RBMS1: variants seen among roughly 807,000 people sequenced by gnomAD.
RBMS1 encodes RNA-binding motif, single-stranded-interacting protein 1.
A neutral mutation model predicts 62.3 loss-of-function variants in RBMS1; 17 were observed. That is an observed-to-expected ratio of 0.27 (90% CI 0.19 to 0.41). The LOEUF is 0.41. RBMS1 is among the 10% of genes least tolerant of loss of function. RBMS1 has a pLI of 1.00. For missense variants in RBMS1, 334 were observed against 504.5 expected (o/e 0.66, Z 3.24); for synonymous variants, 172 against 170.0 (o/e 1.01, Z -0.09).
intron 1 of RBMS1, among the ~76,000 whole-genome samples, chr2:160,443,258 C>A (rs1235629528): frequency 6.6e-6 from 1 of 150,872 alleles, no homozygotes; most frequent in African/African-American, 2.4e-5. Context: ...AGAAAGAGAG[C>A]ACAGCCCCTC....
intron 7 of RBMS1, among the ~76,000 whole-genome samples, chr2:160,285,740 T>A (rs1190595405): frequency 2.6e-5 from 4 of 151,922 alleles, no homozygotes; most frequent in Non-Finnish European, 5.9e-5. Context: ...GGATAACTTC[T>A]AAATATTATA....
chr2:160,300,785 C>A, intron 5 of RBMS1, 55 bp from the exon 6 acceptor site: 4 of 1,462,344 alleles, frequency 2.7e-6, no homozygotes, highest in South Asian at 1.5e-5. Context: ...TAACTTTCAT[C>A]TTGTTCGGTG....
At chr2:160,309,487 T>A (rs1306127877) in intron 4 of RBMS1, among the ~76,000 whole-genome samples, 1 of 152,114 alleles carries the variant, frequency 6.6e-6, no homozygotes, top group East Asian at 1.9e-4. Flanking sequence ...CAGGGTTGTG[T>A]TAGATCCTCC....
At chr2:160,420,558 T>G (rs183845740) in intron 1 of RBMS1, among the ~76,000 whole-genome samples, 55 of 152,296 alleles carry the variant, frequency 3.6e-4, no homozygotes, top group African/African-American at 1.3e-3. Context: ...CCATACGTAC[T>G]CTATTGAAAT....
At chr2:160,416,907 G>A (rs1388835092) in intron 1 of RBMS1, among the ~76,000 whole-genome samples, 3 of 152,060 alleles carry the variant, frequency 2.0e-5, no homozygotes, top group African/African-American at 4.8e-5. Flanking sequence ...TAGTTCTACC[G>A]CAGGACTAGA....
At chr2:160,464,466 T>G (rs564349231) in intron 1 of RBMS1, among the ~76,000 whole-genome samples, 2 of 152,132 alleles carry the variant, frequency 1.3e-5, no homozygotes, top group Non-Finnish European at 1.5e-5. Context: ...GTAGGAAAAG[T>G]GTGCATATTA....
chr2:160,315,836 C>T (rs913413142), intron 3 of RBMS1, among the ~76,000 whole-genome samples: 135 of 152,262 alleles, frequency 8.9e-4, no homozygotes, highest in Non-Finnish European at 1.8e-3. Flanking sequence ...TGTAAAATAG[C>T]AACTGAATTG....
At chr2:160,467,017 TCTC>T (rs1236910267) in intron 1 of RBMS1, among the ~76,000 whole-genome samples, 17 of 152,158 alleles carry the variant, frequency 1.1e-4, no homozygotes, top group African/African-American at 4.1e-4. Context: ...CTAATTGTCT[TCTC>T]CTTGTCTCTT....
chr2:160,439,185 A>ACCCCCCCACCTCCCTCT (rs1559551832), intron 1 of RBMS1, among the ~76,000 whole-genome samples: 1 of 147,360 alleles, frequency 6.8e-6, no homozygotes, highest in African/African-American at 2.5e-5. Flanking sequence ...GGCTGGCCGG[A>ACCCCCCCACCTCCCTCT]CGGGGGGCTG....
At chr2:160,400,123 A>C (rs955161269) in intron 1 of RBMS1, among the ~76,000 whole-genome samples, 1 of 151,152 alleles carries the variant, frequency 6.6e-6, no homozygotes, top group Non-Finnish European at 1.5e-5. Context: ...CACACTGAAA[A>C]CTCCCCTGGG....
At chr2:160,452,591 C>G (rs1684038773) in intron 1 of RBMS1, among the ~76,000 whole-genome samples, 1 of 152,112 alleles carries the variant, frequency 6.6e-6, no homozygotes, top group South Asian at 2.1e-4. Context: ...GGATGCAGAA[C>G]CTGCAGATAT....
At chr2:160,318,949 T>A (rs1269638108) in intron 2 of RBMS1, among the ~76,000 whole-genome samples, 3 of 152,216 alleles carry the variant, frequency 2.0e-5, no homozygotes, top group Non-Finnish European at 4.4e-5. Flanking sequence ...AATCAGGGAT[T>A]AATCATTAAT....
chr2:160,385,168 T>C (rs915699528), intron 1 of RBMS1, among the ~76,000 whole-genome samples: 1 of 152,172 alleles, frequency 6.6e-6, no homozygotes, highest in Non-Finnish European at 1.5e-5. Context: ...TACCCAGCCT[T>C]GGATATTTCT....
chr2:160,426,078 T>C (rs923631022), intron 1 of RBMS1, among the ~76,000 whole-genome samples: 1 of 152,084 alleles, frequency 6.6e-6, no homozygotes, highest in East Asian at 1.9e-4. Flanking sequence ...ATTATTTCCA[T>C]GTCTTTCAAA....
At chr2:160,348,726 T>C (rs1192824143) in intron 2 of RBMS1, among the ~76,000 whole-genome samples, 1 of 152,148 alleles carries the variant, frequency 6.6e-6, no homozygotes, top group Non-Finnish European at 1.5e-5. Context: ...TTGGTCCTAA[T>C]GATGAGTCTG....
chr2:160,327,635 A>G (rs1159943396), intron 2 of RBMS1, among the ~76,000 whole-genome samples: 3 of 152,172 alleles, frequency 2.0e-5, no homozygotes, highest in Non-Finnish European at 4.4e-5. Flanking sequence ...ACATTATCTT[A>G]TGACAATATT....
At chr2:160,423,592 C>T (rs1696521653) in intron 1 of RBMS1, among the ~76,000 whole-genome samples, 1 of 152,200 alleles carries the variant, frequency 6.6e-6, no homozygotes, top group African/African-American at 2.4e-5. Context: ...TCATGGAATT[C>T]CAAGTTGTCT....
intron 2 of RBMS1, among the ~76,000 whole-genome samples, chr2:160,352,804 A>G (rs1310444163): frequency 2.0e-5 from 3 of 152,260 alleles, no homozygotes; most frequent in East Asian, 1.9e-4. Context: ...GTATAATACT[A>G]AAGTGCCTAC....
chr2:160,303,217 A>G (rs555984775), intron 5 of RBMS1, 113 bp downstream of exon 5: 2 of 1,122,764 alleles, frequency 1.8e-6, no homozygotes, highest in South Asian at 1.7e-5. Flanking sequence ...TCACAGTGCA[A>G]CTGCTCCCAT....
Sources: allele counts gnomAD v4.1 joint callset (sites outside exome capture counted in the v4.1 genomes callset), GRCh38; gene constraint gnomAD v4.1.1; transcripts MANE v1.5; gene names NCBI Gene and HGNC (gene_info 2026-07-23, HGNC 2026-07-21).